The following SIK3 variants were observed in gnomAD, a reference collection of about 807,000 sequenced individuals.
SIK3 encodes the protein SIK family kinase 3, also known as serine/threonine-protein kinase SIK3.
SIK3 carries 28 observed loss-of-function variants against 144.2 expected under a neutral mutation model. The observed-to-expected ratio is 0.19, with a 90% CI of 0.14 to 0.27. The LOEUF (loss-of-function observed/expected upper bound fraction) is 0.27. Among genes scored for constraint, SIK3 ranks in the 10% least tolerant of loss-of-function variants. The pLI is 1.00. For missense variants in SIK3, 1,319 were observed against 1,776.0 expected (o/e 0.74, Z 4.62); for synonymous variants, 686 against 676.3 (o/e 1.01, Z -0.22).
rs1240423342 is a variant in SIK3 at position 116,845,356 on chromosome 11, C to CA, written c.*286dup. The stretch of plus-strand genomic sequence containing the variant: ...AAAAACAAAACAAAACACAAACCCC[C>CA]AAACAAAACAAAAAACCACCAACTC... On this transcript the variant is annotated 3_prime_UTR_variant, in exon 25 of 25. Coordinates refer to ENST00000445177, the MANE Select transcript of SIK3 (RefSeq NM_001366686.3). 2 of 152,152 alleles carry CA rather than the reference C, an allele frequency of 1.3e-5. No individual in the cohort carries two copies. Among genetic ancestry groups the CA allele is most frequent in the African/African-American group, 4.8e-5 (2 of 41,430 alleles). The allele number at this position is 152,152 out of a possible 1,614,324, so 9.4% of individuals were successfully genotyped here.
chr11:116,845,709 T>G (rs1160225969), intron 24 of SIK3, 80 bp from the exon 25 acceptor site: 2 of 152,356 alleles, frequency 1.3e-5, no homozygotes, highest in African/African-American at 4.8e-5. Context: ...TTTTAAAAAA[T>G]GCAACGGGTT....
intron 1 of SIK3, among the ~76,000 whole-genome samples, chr11:117,023,621 A>AT (rs1555131640): frequency 0.023 from 2,196 of 95,144 alleles, 37 homozygotes; most frequent in South Asian, 0.032. Flanking sequence ...AAAAAAAAAA[A>AT]ATATATATAT....
chr11:116,844,230 G>C lies in SIK3; in HGVS notation c.*1413C>G, dbSNP rs1941739867. The C allele has an allele frequency of 6.6e-6, 1 of 152,106 alleles. No homozygotes were observed. Among genetic ancestry groups the C allele is most frequent in the Non-Finnish European group, 1.5e-5 (1 of 68,018 alleles). The allele number at this position is 152,106 out of a possible 1,614,324, so 9.4% of individuals were successfully genotyped here. On this transcript the variant is annotated 3_prime_UTR_variant, in exon 25 of 25. Coordinates refer to ENST00000445177, the MANE Select transcript of SIK3 (RefSeq NM_001366686.3). ...AAATAATAGCTACTGCGTATGCACTGCTTCAACTGGGGAAAGGAGACCACT... is the reference window on the plus strand; with the variant it reads ...AAATAATAGCTACTGCGTATGCACTCCTTCAACTGGGGAAAGGAGACCACT...
rs755810777 is a variant in SIK3, at chr11:116,927,422, T to C, written c.455-42A>G. 6.7e-5 allele frequency: 107 copies of C among 1,590,704 alleles called. No individual in the cohort carries two copies. The highest frequency in any genetic ancestry group is 8.8e-5 in the Non-Finnish European group (103 of 1,165,862). On this transcript the variant is annotated intron_variant, in intron 3 of 24. Coordinates refer to ENST00000445177, the MANE Select transcript of SIK3 (RefSeq NM_001366686.3). ...TACAGTCAGTTTTCATTTTGGACAC[T>C]TGTGTAATTTCAAAAGGTAGACTTA...
intron 6 of SIK3, among the ~76,000 whole-genome samples, chr11:116,881,410 C>A (rs547944714): frequency 3.3e-4 from 51 of 152,310 alleles, no homozygotes; most frequent in South Asian, 1.9e-3. Context: ...TCAGCACAGG[C>A]CTTGCCCTGC....
At position 116,847,538 on chromosome 11, in the gene SIK3, T is replaced by C; in HGVS notation, c.3890A>G (p.Asp1297Gly). The C allele has an allele frequency of 6.2e-7, 1 of 1,614,164 alleles. No individual in the cohort carries two copies. Among genetic ancestry groups the C allele is most frequent in the Non-Finnish European group, 8.5e-7 (1 of 1,180,026 alleles). Reference protein sequence around the residue: ...GKALSSARMSDAVLSQSSLMG... With the variant: ...GKALSSARMSGAVLSQSSLMG... ...GAGCGAAGACTGACTGAGAACTGCATCCGACATCCGGGCAGAGCTAAGTGC... is the reference window on the plus strand; with the variant it reads ...GAGCGAAGACTGACTGAGAACTGCACCCGACATCCGGGCAGAGCTAAGTGC... The change falls in exon 23 of 25, where the codon GAT (aspartate) becomes GGT (glycine). Residue 1297 changes from aspartate (D) to glycine (G), a missense_variant. Physicochemically the swap from Asp to Gly is moderately conservative, Grantham distance 94. Transcript: ENST00000445177.
At chr11:117,089,406 C>CA (rs61610114) in intron 1 of SIK3, among the ~76,000 whole-genome samples, 21,326 of 90,154 alleles carry the variant, frequency 0.24, 1,709 homozygotes, top group Admixed American at 0.31. Flanking sequence ...GACTCCGTCT[C>CA]AAAAAAAAAA....
chr11:116,877,754 A>T (rs1289493853), intron 6 of SIK3, among the ~76,000 whole-genome samples: 1 of 87,804 alleles, frequency 1.1e-5, no homozygotes, highest in Non-Finnish European at 2.5e-5. Flanking sequence ...GTATATTCTG[A>T]TTTCAAAACC....
rs1014697933 is a variant in SIK3, at chr11:116,957,421, G to A, written c.274-357C>T. Reference sequence around the variant, plus strand: ...TATACAGGGTCTCTCATTAAGACAAGAAGCTTTAAATAAAATAAAAAATTT... The same window carrying A: ...TATACAGGGTCTCTCATTAAGACAAAAAGCTTTAAATAAAATAAAAAATTT... On this transcript the variant is annotated intron_variant, in intron 1 of 24. Transcript: ENST00000445177. Among the ~76,000 whole-genome samples the A allele has an allele frequency of 1.8e-4, 27 of 152,216 alleles. No individual in the cohort carries two copies. The South Asian group carries it at 2.9e-3, about 16-fold the overall frequency.
intron 1 of SIK3, among the ~76,000 whole-genome samples, chr11:116,991,310 G>T (rs1234398034): frequency 6.6e-6 from 1 of 152,156 alleles, no homozygotes; most frequent in African/African-American, 2.4e-5. Context: ...AACCAGGCAT[G>T]GTGGCACACG....
chr11:117,026,527 C>T (rs148686206), intron 1 of SIK3, among the ~76,000 whole-genome samples: 1 of 152,220 alleles, frequency 6.6e-6, no homozygotes, highest in East Asian at 1.9e-4. Context: ...CCAAAAAAGC[C>T]CATAATGTGG....
At chr11:116,994,159 TG>T (rs912386581) in intron 1 of SIK3, among the ~76,000 whole-genome samples, 2 of 152,256 alleles carry the variant, frequency 1.3e-5, no homozygotes, top group African/African-American at 4.8e-5. Context: ...AAAGTTGTTT[TG>T]ATTTTTCAGT....
intron 1 of SIK3, among the ~76,000 whole-genome samples, chr11:117,026,499 T>C (rs183389365): frequency 1.7e-4 from 26 of 152,304 alleles, no homozygotes; most frequent in Admixed American, 9.2e-4. Flanking sequence ...CTGTGTACTA[T>C]TGACATGCTG....
chr11:116,927,145 G>A lies in SIK3; in HGVS notation c.616+74C>T, dbSNP rs1947322886. The A allele has an allele frequency of 2.9e-5, 32 of 1,085,516 alleles. 1 individual carries two copies. In the South Asian group the frequency reaches 5.4e-4, roughly 18 times the overall value. The allele number at this position is 1,085,516 out of a possible 1,614,324, so 67.2% of individuals were successfully genotyped here. On this transcript the variant is annotated intron_variant, in intron 4 of 24. Transcript: ENST00000445177. ...AGTTCTTTCTGAAGAGATGGAAACAGATAATCCCTTGCTTATAGAACCCCA... is the reference window on the plus strand; with the variant it reads ...AGTTCTTTCTGAAGAGATGGAAACAAATAATCCCTTGCTTATAGAACCCCA...
Position 116,920,684 on chromosome 11 carries a change from C to T in SIK3, c.616+6535G>A, listed in dbSNP as rs544825324. 1.5e-4 allele frequency among the ~76,000 whole-genome samples: 23 copies of T among 152,292 alleles called. No individual in the cohort carries two copies. In the East Asian group the frequency reaches 4.4e-3, roughly 29 times the overall value. On this transcript the variant is annotated intron_variant, in intron 4 of 24. Coordinates refer to ENST00000445177, the MANE Select transcript of SIK3 (RefSeq NM_001366686.3). ...ATCCAATCACATGACACTGGACGCACCTCAAATGCCATGTCCTCAATACAA... is the reference window on the plus strand; with the variant it reads ...ATCCAATCACATGACACTGGACGCATCTCAAATGCCATGTCCTCAATACAA...
chr11:116,908,193 C>T (rs1220061787), intron 4 of SIK3, among the ~76,000 whole-genome samples: 4 of 152,086 alleles, frequency 2.6e-5, no homozygotes, highest in African/African-American at 7.2e-5. Context: ...ATAAAGGACT[C>T]GGCTGGACGT....
At chr11:117,082,497 C>T (rs1954832481) in intron 1 of SIK3, among the ~76,000 whole-genome samples, 2 of 152,144 alleles carry the variant, frequency 1.3e-5, no homozygotes, top group South Asian at 4.1e-4. Context: ...ACCTTGAAGG[C>T]ATTACACCAA....
At chr11:116,922,561 A>G (rs1947047295) in intron 4 of SIK3, among the ~76,000 whole-genome samples, 1 of 152,188 alleles carries the variant, frequency 6.6e-6, no homozygotes, top group Non-Finnish European at 1.5e-5. Context: ...CCAAGGCAGG[A>G]GAATCGCTTG....
intron 1 of SIK3, among the ~76,000 whole-genome samples, chr11:117,059,023 T>C (rs185973999): frequency 1.1e-4 from 17 of 152,290 alleles, no homozygotes; most frequent in Admixed American, 5.9e-4. Context: ...TGGGAGACAA[T>C]GGAGATTTAA....
Sources: gnomAD v4.1 joint callset for allele counts (sites outside exome capture counted in the v4.1 genomes callset) on GRCh38, gnomAD v4.1.1 for gene constraint, MANE v1.5 for transcripts, NCBI Gene and HGNC (gene_info 2026-07-23, HGNC 2026-07-21) for gene names.